Variants in NBAS observed in about 807,000 individuals in gnomAD.
NBAS encodes the protein NBAS subunit of NRZ tethering complex, also known as NAG/BC035112 fusion.
A neutral mutation model predicts 302.5 loss-of-function variants in NBAS; 219 were observed. That is an observed-to-expected ratio of 0.72 (90% confidence interval 0.65 to 0.81). The LOEUF (loss-of-function observed/expected upper bound fraction) is 0.81, where lower values mean the gene tolerates loss of function less well. Ranked by LOEUF, NBAS falls within the 30% of genes least tolerant of loss-of-function variation. NBAS has a pLI of 0.00. For missense variants in NBAS, 2,932 were observed against 2,841.6 expected, an observed-to-expected ratio of 1.03 and a Z score of -0.72; for synonymous variants, 1,118 against 1,021.6, an observed-to-expected ratio of 1.09 and a Z score of -1.80.
intron 42 of NBAS, among the ~76,000 whole-genome samples, chr2:15,284,163 A>G (rs959948905): frequency 2.6e-5 from 4 of 151,636 alleles, no homozygotes; most frequent in Admixed American, 1.3e-4. Flanking sequence ...GGAAATGGAA[A>G]AAAAAAAAAA....
chr2:15,124,584 C>T, the NBAS span, among the ~76,000 whole-genome samples: 1 of 152,188 alleles, frequency 6.6e-6, no homozygotes, highest in Non-Finnish European at 1.5e-5. Flanking sequence ...CTCCTCCCAT[C>T]ACAAGTCCAG....
chr2:14,912,505 G>A, the NBAS span, among the ~76,000 whole-genome samples: 1 of 152,006 alleles, frequency 6.6e-6, no homozygotes, highest in African/African-American at 2.4e-5. Flanking sequence ...GTCCCATCAA[G>A]CCACTGCCAT....
chr2:15,014,983 A>G, the NBAS span, among the ~76,000 whole-genome samples: 1 of 151,968 alleles, frequency 6.6e-6, no homozygotes, highest in African/African-American at 2.4e-5. Context: ...TAGAAAGGAC[A>G]TCAGAGACTA....
the NBAS span, among the ~76,000 whole-genome samples, chr2:14,937,231 T>A: frequency 6.6e-6 from 1 of 152,138 alleles, no homozygotes; most frequent in African/African-American, 2.4e-5. Flanking sequence ...ACAGGTGGCA[T>A]AGTAGATTGT....
At chr2:15,383,113 A>G in intron 29 of NBAS, 102 bp downstream of exon 29, 1 of 959,282 alleles carries the variant, frequency 1.0e-6, no homozygotes, top group Non-Finnish European at 1.6e-6. Flanking sequence ...ATTAAATAAT[A>G]TTACTTCCAG....
chr2:15,167,116 C>G lies in NBAS; in HGVS notation c.7048G>C (p.Val2350Leu). 1 of 1,613,844 alleles carries G rather than the reference C, an allele frequency of 6.2e-7. No homozygotes were observed. The highest frequency in any genetic ancestry group is 8.5e-7 in the Non-Finnish European group (1 of 1,179,832). Reference sequence around the variant, plus strand: ...CTGAAGGCCTGGTGAGTCCCCCTCACGGCCAGAAGGAGAGACCCGGCTTCG... The same window carrying G: ...CTGAAGGCCTGGTGAGTCCCCCTCAGGGCCAGAAGGAGAGACCCGGCTTCG... ...EAEAGSLLLAVRGTHQAFRTF... is the reference protein window; with the variant it reads ...EAEAGSLLLALRGTHQAFRTF... Residue 2350 changes from valine (V) to leucine (L), a missense_variant, in exon 52 of 52, where the codon GTG becomes CTG. Coordinates refer to ENST00000281513, the MANE Select transcript of NBAS (RefSeq NM_015909.4).
At chr2:15,193,120 T>C (rs532211555) in intron 48 of NBAS, among the ~76,000 whole-genome samples, 2 of 152,204 alleles carry the variant, frequency 1.3e-5, no homozygotes, top group Non-Finnish European at 2.9e-5. Flanking sequence ...TATTTTTGTA[T>C]AGCACCTTTC....
chr2:15,558,676 G>C (rs1204703362), intron 1 of NBAS, 42 bp from the exon 2 acceptor site: 7 of 1,425,158 alleles, frequency 4.9e-6, no homozygotes. Flanking sequence ...GAATCTTCTA[G>C]TAGTATTAGA....
At chr2:14,838,678 A>G in the NBAS span, among the ~76,000 whole-genome samples, 1 of 152,024 alleles carries the variant, frequency 6.6e-6, no homozygotes, top group Non-Finnish European at 1.5e-5. Flanking sequence ...GACTCAGATA[A>G]TATTATCAAC....
At chr2:15,264,941 T>A (rs534720587) in intron 44 of NBAS, among the ~76,000 whole-genome samples, 1 of 152,326 alleles carries the variant, frequency 6.6e-6, no homozygotes, top group Admixed American at 6.5e-5. Context: ...ATTATTATTA[T>A]GTGGTGACAC....
At chr2:14,945,580 A>G in the NBAS span, among the ~76,000 whole-genome samples, 8 of 152,210 alleles carry the variant, frequency 5.3e-5, no homozygotes, top group Non-Finnish European at 8.8e-5. Flanking sequence ...AAATTTAATG[A>G]GATTAAAATA....
At chr2:15,364,668 A>G (rs116352449) in intron 32 of NBAS, among the ~76,000 whole-genome samples, 1,595 of 152,284 alleles carry the variant, frequency 0.01, 27 homozygotes, top group African/African-American at 0.035. Flanking sequence ...GAAATCACAG[A>G]GAGCAGAGAC....
chr2:14,793,068 T>TTCTCTCTC, the NBAS span, among the ~76,000 whole-genome samples: 29 of 147,416 alleles, frequency 2.0e-4, no homozygotes, highest in African/African-American at 7.0e-4. Flanking sequence ...CTGTCTCTGT[T>TTCTCTCTC]TCTCTCTCTC....
At chr2:14,878,285 A>G in the NBAS span, among the ~76,000 whole-genome samples, 3 of 152,206 alleles carry the variant, frequency 2.0e-5, no homozygotes, top group African/African-American at 7.2e-5. Context: ...GCTGCTGAAC[A>G]GAGGGAGTTG....
intron 28 of NBAS, among the ~76,000 whole-genome samples, chr2:15,387,259 A>T (rs966088993): frequency 7.9e-5 from 12 of 151,962 alleles, no homozygotes; most frequent in African/African-American, 2.9e-4. Flanking sequence ...AGTAGAGACA[A>T]GGTTTCACCA....
At chr2:15,349,052 T>C (rs1673229111) in intron 35 of NBAS, among the ~76,000 whole-genome samples, 2 of 151,954 alleles carry the variant, frequency 1.3e-5, no homozygotes, top group South Asian at 2.1e-4. Context: ...GAGAGAAAAC[T>C]CTATAAAATA....
chr2:15,099,155 T>C, the NBAS span, among the ~76,000 whole-genome samples: 1 of 151,880 alleles, frequency 6.6e-6, no homozygotes, highest in Non-Finnish European at 1.5e-5. Context: ...ATACAAAAAT[T>C]AGCCAGGCAT....
chr2:15,214,032 A>G lies in NBAS; in HGVS notation c.6432+4741T>C, dbSNP rs1476888622. On this transcript the variant is annotated intron_variant, in intron 48 of 51. Transcript: ENST00000281513. ...AAAAATAAAATAAAAGCACCAGGCCACTCTATAAGGAAATCTTCCCATTAT... is the reference window on the plus strand; with the variant it reads ...AAAAATAAAATAAAAGCACCAGGCCGCTCTATAAGGAAATCTTCCCATTAT... 2.0e-5 allele frequency among the ~76,000 whole-genome samples: 3 copies of G among 152,104 alleles called. No homozygotes were observed. The East Asian group carries it at 5.8e-4, about 29-fold the overall frequency.
chr2:15,479,489 C>T (rs1199719393), intron 12 of NBAS, among the ~76,000 whole-genome samples: 2 of 152,170 alleles, frequency 1.3e-5, no homozygotes, highest in Non-Finnish European at 2.9e-5. Context: ...TTCCTACTTA[C>T]ATTTTGGAGT....
Sources: allele counts gnomAD v4.1 joint callset (sites outside exome capture counted in the v4.1 genomes callset), GRCh38; gene constraint gnomAD v4.1.1; transcripts MANE v1.5; gene names NCBI Gene and HGNC (gene_info 2026-07-23, HGNC 2026-07-21).